XRCC4: variants seen among roughly 807,000 people sequenced by gnomAD.
XRCC4 encodes the protein DNA repair protein XRCC4.
XRCC4 carries 28 observed loss-of-function variants against 39.1 expected under a neutral mutation model. That is an observed-to-expected ratio of 0.72 (90% CI 0.53 to 0.98). The LOEUF is 0.98. Ranked by LOEUF, XRCC4 falls within the 50% of genes least tolerant of loss-of-function variation. The probability of loss-of-function intolerance (pLI) is 0.00; values close to 1 mark genes in which losing one functional copy is unlikely to be tolerated. For synonymous variants in XRCC4, 123 were observed against 126.4 expected (o/e 0.97, Z 0.18); for missense variants, 350 against 376.4 (o/e 0.93, Z 0.58).
At chr5:83,232,657 C>T (rs977391158) in intron 6 of XRCC4, among the ~76,000 whole-genome samples, 6 of 152,114 alleles carry the variant, frequency 3.9e-5, no homozygotes, top group African/African-American at 1.4e-4. Flanking sequence ...ATCCTCCTAT[C>T]TCTCTTCCAA....
chr5:83,297,178 G>C (rs1755123863), intron 7 of XRCC4, among the ~76,000 whole-genome samples: 1 of 151,782 alleles, frequency 6.6e-6, no homozygotes, highest in Non-Finnish European at 1.5e-5. Flanking sequence ...TACCAATTTG[G>C]AATTATACTA....
chr5:83,208,558 T>C (rs769364008), intron 6 of XRCC4, among the ~76,000 whole-genome samples: 19 of 152,034 alleles, frequency 1.2e-4, no homozygotes, highest in Non-Finnish European at 1.9e-4. Context: ...TGGCTTTTTT[T>C]CCTCTAAATT....
At chr5:83,298,109 A>G (rs1041580358) in intron 7 of XRCC4, among the ~76,000 whole-genome samples, 3 of 151,900 alleles carry the variant, frequency 2.0e-5, no homozygotes, top group South Asian at 4.1e-4. Flanking sequence ...TAGAGAGGTT[A>G]AATAAGTTCA....
intron 7 of XRCC4, among the ~76,000 whole-genome samples, chr5:83,332,615 C>T (rs1190422796): frequency 3.3e-5 from 5 of 152,156 alleles, no homozygotes; most frequent in Admixed American, 3.3e-4. Flanking sequence ...TGTACATGGA[C>T]TTGCTTCTTA....
intron 7 of XRCC4, among the ~76,000 whole-genome samples, chr5:83,341,043 C>G (rs1285492571): frequency 2.0e-5 from 3 of 152,176 alleles, no homozygotes; most frequent in East Asian, 3.9e-4. Context: ...GGTAATACAG[C>G]CTATTCCAGA....
chr5:83,122,002 T>C (rs977774877), intron 3 of XRCC4, among the ~76,000 whole-genome samples: 38 of 152,298 alleles, frequency 2.5e-4, no homozygotes, highest in African/African-American at 9.1e-4. Flanking sequence ...TTGGTCTATA[T>C]TGGGACTCTA....
chr5:83,105,159 A>T, intron 2 of XRCC4, 101 bp downstream of exon 2: 1 of 1,178,720 alleles, frequency 8.5e-7, no homozygotes, highest in Non-Finnish European at 1.2e-6. Flanking sequence ...ACTGATATTA[A>T]TTTTACTTGC....
At chr5:83,170,960 T>A (rs1017190535) in intron 3 of XRCC4, among the ~76,000 whole-genome samples, 1 of 152,186 alleles carries the variant, frequency 6.6e-6, no homozygotes, top group Admixed American at 6.6e-5. Context: ...ATCTTAAATG[T>A]GTCTGTATTC....
At chr5:83,192,483 T>A (rs1221486197) in intron 3 of XRCC4, among the ~76,000 whole-genome samples, 2 of 151,802 alleles carry the variant, frequency 1.3e-5, no homozygotes, top group Non-Finnish European at 2.9e-5. Context: ...AATTTTGTTT[T>A]GTATTTTAGT....
intron 1 of XRCC4, among the ~76,000 whole-genome samples, chr5:83,101,908 A>G (rs1745956689): frequency 6.7e-6 from 1 of 149,102 alleles, no homozygotes; most frequent in Admixed American, 6.7e-5. Flanking sequence ...AAAATTACAA[A>G]CAAAGGATAG....
At chr5:83,224,270 C>A (rs570812514) in intron 6 of XRCC4, among the ~76,000 whole-genome samples, 1 of 151,640 alleles carries the variant, frequency 6.6e-6, no homozygotes, top group Admixed American at 6.6e-5. Context: ...TTCTGTTTCT[C>A]TTTTGTATAT....
chr5:83,120,795 C>G (rs1746974002), intron 3 of XRCC4, among the ~76,000 whole-genome samples: 1 of 152,092 alleles, frequency 6.6e-6, no homozygotes. Flanking sequence ...TATTGTGATA[C>G]AATTAATTTA....
intron 6 of XRCC4, among the ~76,000 whole-genome samples, chr5:83,248,013 G>A (rs1184708819): frequency 6.6e-6 from 1 of 152,130 alleles, no homozygotes; most frequent in African/African-American, 2.4e-5. Flanking sequence ...AGGAGACTTT[G>A]GAATAGCGAA....
At chr5:83,107,998 ATCT>A (rs1039095706) in intron 2 of XRCC4, among the ~76,000 whole-genome samples, 2 of 151,906 alleles carry the variant, frequency 1.3e-5, no homozygotes, top group Non-Finnish European at 2.9e-5. Context: ...AAGGAAAAAA[ATCT>A]TCTTTCCTCA....
chr5:83,151,846 G>T (rs1218893227), intron 3 of XRCC4, among the ~76,000 whole-genome samples: 2 of 152,132 alleles, frequency 1.3e-5, no homozygotes, highest in African/African-American at 4.8e-5. Flanking sequence ...GTGGAAGAAG[G>T]TTTAACTTTT....
At chr5:83,214,408 T>C (rs529260879) in intron 6 of XRCC4, among the ~76,000 whole-genome samples, 1 of 152,210 alleles carries the variant, frequency 6.6e-6, no homozygotes, top group African/African-American at 2.4e-5. Context: ...ATGCTTGCAA[T>C]GCATAAGCAA....
At chr5:83,194,812 A>G (rs1750868841) in intron 3 of XRCC4, among the ~76,000 whole-genome samples, 1 of 152,188 alleles carries the variant, frequency 6.6e-6, no homozygotes, top group Non-Finnish European at 1.5e-5. Flanking sequence ...GCACAACAGC[A>G]TAGCATAGCA....
chr5:83,147,302 C>T (rs187857837), intron 3 of XRCC4, among the ~76,000 whole-genome samples: 10 of 151,960 alleles, frequency 6.6e-5, no homozygotes, highest in South Asian at 2.1e-4. Context: ...AGAATCAACC[C>T]GGGTATCCAT....
At chr5:83,217,513 T>G (rs552384311) in intron 6 of XRCC4, among the ~76,000 whole-genome samples, 1 of 152,182 alleles carries the variant, frequency 6.6e-6, no homozygotes, top group Non-Finnish European at 1.5e-5. Flanking sequence ...CTTCTTGTTT[T>G]TCTATTCTTA....
Sources: gnomAD v4.1 joint callset for allele counts (sites outside exome capture counted in the v4.1 genomes callset) on GRCh38, gnomAD v4.1.1 for gene constraint, MANE v1.5 for transcripts, NCBI Gene and HGNC (gene_info 2026-07-23, HGNC 2026-07-21) for gene names.